Variants in EPHA4 observed in about 807,000 individuals in gnomAD.
The protein encoded by EPHA4 is ephrin type-A receptor 4.
Under a neutral mutation model 108.3 loss-of-function variants are expected in EPHA4, and 19 were observed. That is an observed-to-expected ratio of 0.18 (90% confidence interval 0.12 to 0.26). EPHA4 has a LOEUF of 0.26. Ranked by LOEUF, EPHA4 falls within the 10% of genes least tolerant of loss-of-function variation. The pLI is 1.00. For synonymous variants in EPHA4, 449 were observed against 455.5 expected (o/e 0.99, Z 0.18); for missense variants, 917 against 1,254.0 (o/e 0.73, Z 4.06).
At chr2:221,550,416 GGGGAGA>G (rs753353687) in intron 3 of EPHA4, among the ~76,000 whole-genome samples, 15 of 130,638 alleles carry the variant, frequency 1.1e-4, no homozygotes, top group South Asian at 2.4e-4. Context: ...GATGAGGAAA[GGGGAGA>G]GAGAGAGAGA....
At chr2:221,524,600 G>C (rs1387302535) in intron 3 of EPHA4, among the ~76,000 whole-genome samples, 1 of 152,162 alleles carries the variant, frequency 6.6e-6, no homozygotes, top group East Asian at 1.9e-4. Flanking sequence ...AGGCAAATTG[G>C]GGAAGACAAG....
intron 5 of EPHA4, among the ~76,000 whole-genome samples, chr2:221,473,098 C>T (rs539039618): frequency 3.3e-4 from 51 of 152,290 alleles, no homozygotes; most frequent in Admixed American, 8.5e-4. Context: ...AGCGACCACA[C>T]TGACTGGCAC....
chr2:221,451,767 A>G (rs1486702898), intron 8 of EPHA4, among the ~76,000 whole-genome samples: 3 of 152,216 alleles, frequency 2.0e-5, no homozygotes, highest in African/African-American at 7.2e-5. Flanking sequence ...GTAAAAATAT[A>G]CAATATAGCT....
At chr2:221,452,703 G>C (rs547102504) in intron 8 of EPHA4, among the ~76,000 whole-genome samples, 5 of 110,044 alleles carry the variant, frequency 4.5e-5, no homozygotes, top group Admixed American at 1.0e-4. Flanking sequence ...TCAGCCTTGG[G>C]AAGTGACATT....
chr2:221,570,725 T>C (rs949855395), intron 1 of EPHA4, among the ~76,000 whole-genome samples: 3 of 152,086 alleles, frequency 2.0e-5, no homozygotes, highest in Non-Finnish European at 2.9e-5. Context: ...GATGGACGGA[T>C]GTCTGGAGAG....
At chr2:221,424,500 T>C (rs1420811810) in intron 17 of EPHA4, among the ~76,000 whole-genome samples, 1 of 150,346 alleles carries the variant, frequency 6.7e-6, no homozygotes, top group Admixed American at 6.6e-5. Context: ...GAATGAAAAG[T>C]TAAAATGTGT....
intron 3 of EPHA4, among the ~76,000 whole-genome samples, chr2:221,560,055 C>T (rs550500535): frequency 7.0e-4 from 107 of 152,174 alleles, no homozygotes; most frequent in Non-Finnish European, 1.4e-3. Context: ...GGTCCTTTGA[C>T]GACTCAGTGG....
At chr2:221,448,556 C>T (rs1000968137) in intron 8 of EPHA4, among the ~76,000 whole-genome samples, 9 of 152,138 alleles carry the variant, frequency 5.9e-5, no homozygotes, top group South Asian at 2.1e-4. Flanking sequence ...CCTCCACCCC[C>T]GTCCTTTCCC....
intron 9 of EPHA4, among the ~76,000 whole-genome samples, chr2:221,444,497 C>T (rs1357672735): frequency 6.6e-6 from 1 of 152,128 alleles, no homozygotes; most frequent in Non-Finnish European, 1.5e-5. Context: ...TTGTCCTCAT[C>T]CCAGCACCAT....
chr2:221,467,275 T>G lies in EPHA4; in HGVS notation c.1319-9285A>C, dbSNP rs956576040. Among the ~76,000 whole-genome samples, 4 of 152,368 alleles carry G rather than the reference T, an allele frequency of 2.6e-5. No homozygotes were observed. In the East Asian group the frequency reaches 7.7e-4, roughly 29 times the overall value. ...GCCTGGGTGACGGTCACATAGGTGTTTACTTTGCTATAATTCAATGACTAT... is the reference window on the plus strand; with the variant it reads ...GCCTGGGTGACGGTCACATAGGTGTGTACTTTGCTATAATTCAATGACTAT... On this transcript the variant is annotated intron_variant, in intron 5 of 17. Transcript: ENST00000281821.
At position 221,425,887 on chromosome 2, in the gene EPHA4, C is replaced by G. The variant is rs767984715; in HGVS notation, c.*141G>C. Reference sequence around the variant, plus strand: ...CAGTTTCAGCAATCTGTGCACCAAGCAACGCTGCAGATATTGTTTTTTTTT... The same window carrying G: ...CAGTTTCAGCAATCTGTGCACCAAGGAACGCTGCAGATATTGTTTTTTTTT... On this transcript the variant is annotated 3_prime_UTR_variant, in exon 17 of 18. Transcript: ENST00000281821. The G allele has an allele frequency of 3.4e-5, 25 of 726,326 alleles. No homozygotes were observed. Among genetic ancestry groups the G allele is most frequent in the Non-Finnish European group, 5.6e-5 (24 of 427,566 alleles). 45.0% of individuals were successfully genotyped at this position (726,326 alleles called of 1,614,324 possible).
chr2:221,462,416 C>A (rs1423105438), intron 5 of EPHA4, among the ~76,000 whole-genome samples: 1 of 151,766 alleles, frequency 6.6e-6, no homozygotes, highest in Non-Finnish European at 1.5e-5. Context: ...CAGTTTTTAA[C>A]CCAAAACTTG....
intron 3 of EPHA4, among the ~76,000 whole-genome samples, chr2:221,544,170 T>G (rs150270124): frequency 6.6e-6 from 1 of 152,168 alleles, no homozygotes; most frequent in South Asian, 2.1e-4. Context: ...GATTTCAACA[T>G]ATAAATTCGA....
At chr2:221,563,315 G>A (rs1264007241) in intron 3 of EPHA4, among the ~76,000 whole-genome samples, 2 of 152,128 alleles carry the variant, frequency 1.3e-5, no homozygotes, top group Non-Finnish European at 2.9e-5. Flanking sequence ...GATCATTCAC[G>A]CACTTATGCA....
chr2:221,468,644 G>T (rs755419542), intron 5 of EPHA4, among the ~76,000 whole-genome samples: 3 of 152,190 alleles, frequency 2.0e-5, no homozygotes, highest in Admixed American at 6.6e-5. Flanking sequence ...GGTGATAGAT[G>T]CACCCAGTAA....
intron 5 of EPHA4, 95 bp from the exon 6 acceptor site, chr2:221,458,085 G>A (rs760137907): frequency 2.8e-5 from 42 of 1,477,742 alleles, no homozygotes; most frequent in Non-Finnish European, 3.8e-5. Context: ...TTTAAGAAAA[G>A]TGTGAAAGAT....
intron 5 of EPHA4, among the ~76,000 whole-genome samples, chr2:221,463,584 A>G (rs192479346): frequency 1.7e-3 from 264 of 152,316 alleles, no homozygotes; most frequent in Admixed American, 3.5e-3. Flanking sequence ...ATTACAGGAG[A>G]TGCTTTGATG....
At chr2:221,446,629 A>T (rs2106109272) in intron 8 of EPHA4, among the ~76,000 whole-genome samples, 1 of 152,252 alleles carries the variant, frequency 6.6e-6, no homozygotes, top group African/African-American at 2.4e-5. Flanking sequence ...AGTAATGTTC[A>T]GTATGTGATA....
chr2:221,487,935 T>C (rs899145796), intron 4 of EPHA4, among the ~76,000 whole-genome samples: 7 of 152,146 alleles, frequency 4.6e-5, no homozygotes, highest in Admixed American at 2.0e-4. Flanking sequence ...TTAATGGTAA[T>C]CCCAGAAATA....
Sources: gnomAD v4.1 joint callset for allele counts (sites outside exome capture counted in the v4.1 genomes callset) on GRCh38, gnomAD v4.1.1 for gene constraint, MANE v1.5 for transcripts, NCBI Gene and HGNC (gene_info 2026-07-23, HGNC 2026-07-21) for gene names.